The following SLC1A1 variants were observed in gnomAD, a reference collection of about 807,000 sequenced individuals.
SLC1A1 encodes excitatory amino acid transporter 3.
In SLC1A1, 43 loss-of-function variants were observed where a neutral mutation model predicts 53.3. That is an observed-to-expected ratio of 0.81 (90% CI 0.63 to 1.04). The LOEUF is 1.04. Ranked by LOEUF, SLC1A1 falls within the 50% of genes least tolerant of loss-of-function variation. SLC1A1 has a pLI of 0.00. For synonymous variants in SLC1A1, 307 were observed against 243.2 expected, an observed-to-expected ratio of 1.26 and a Z score of -2.44; for missense variants, 748 against 664.9, an observed-to-expected ratio of 1.12 and a Z score of -1.37.
chr9:4,576,293 T>C lies in SLC1A1; in HGVS notation c.998+170T>C, dbSNP rs370328184. On this transcript the variant is annotated intron_variant, in intron 9 of 11. Transcript: ENST00000262352. ...CACATTGCTTCATGCTGTTGCATAT[T>C]TCCTGCTCTCTTGGCATGACCTGCA... 2.6e-5 allele frequency among the ~76,000 whole-genome samples: 4 copies of C among 152,252 alleles called. No individual in the cohort carries two copies. In the East Asian group the frequency reaches 7.7e-4, roughly 29 times the overall value.
chr9:4,554,060 T>C (rs945804339), intron 2 of SLC1A1: 1 of 152,232 alleles, frequency 6.6e-6, no homozygotes, highest in African/African-American at 2.4e-5. Flanking sequence ...TTAATCCTCA[T>C]AGCAGCCCTA....
At chr9:4,538,056 G>A (rs887303543) in intron 1 of SLC1A1, among the ~76,000 whole-genome samples, 1 of 152,122 alleles carries the variant, frequency 6.6e-6, no homozygotes, top group African/African-American at 2.4e-5. Context: ...CATTTGAAAT[G>A]TTTAGTTCAA....
rs759669062 is a variant in SLC1A1, at chr9:4,496,759, C to T, written c.91+5989C>T. Among the ~76,000 whole-genome samples, 10 of 151,948 alleles carry T rather than the reference C, an allele frequency of 6.6e-5. No homozygotes were observed. The East Asian group carries it at 7.8e-4, about 12-fold the overall frequency. ...AAATAAAAATTAAATTAGCCAGGCA[C>T]GATGGTGCGTGCCTGTGGCCCCAAC... On this transcript the variant is annotated intron_variant, in intron 1 of 11. Coordinates refer to ENST00000262352, the MANE Select transcript of SLC1A1 (RefSeq NM_004170.6).
At chr9:4,532,510 A>G (rs1319796127) in intron 1 of SLC1A1, among the ~76,000 whole-genome samples, 1 of 152,192 alleles carries the variant, frequency 6.6e-6, no homozygotes. Flanking sequence ...AGAAGTTTAG[A>G]GAAAAAAGAA....
intron 8 of SLC1A1, among the ~76,000 whole-genome samples, chr9:4,574,604 G>A (rs143824865): frequency 6.6e-6 from 1 of 152,080 alleles, no homozygotes; most frequent in Non-Finnish European, 1.5e-5. Flanking sequence ...GCAGGGGTTG[G>A]GTAGTTTCCA....
intron 1 of SLC1A1, among the ~76,000 whole-genome samples, chr9:4,520,926 A>G (rs762575975): frequency 1.3e-4 from 20 of 152,208 alleles, no homozygotes; most frequent in Non-Finnish European, 2.6e-4. Context: ...ACCAACATAT[A>G]TCATTTTCTC....
At chr9:4,510,495 G>T (rs906113955) in intron 1 of SLC1A1, among the ~76,000 whole-genome samples, 1 of 152,142 alleles carries the variant, frequency 6.6e-6, no homozygotes, top group African/African-American at 2.4e-5. Flanking sequence ...AAAATTTATG[G>T]CTCAGATACC....
rs139359968 is a variant in SLC1A1, at chr9:4,531,416, G to A, written c.92-13151G>A. Among the ~76,000 whole-genome samples the A allele has an allele frequency of 2.2e-3, 331 of 152,282 alleles. 2 individuals are homozygous for A. The highest frequency in any genetic ancestry group is 7.6e-3 in the African/African-American group (316 of 41,578). On this transcript the variant is annotated intron_variant, in intron 1 of 11. Transcript: ENST00000262352. ...GGTACACTGGGAGATTATATCCTGCGCCTGGCTCAGAGGGTCCTACGCCCG... is the reference window on the plus strand; with the variant it reads ...GGTACACTGGGAGATTATATCCTGCACCTGGCTCAGAGGGTCCTACGCCCG...
chr9:4,495,910 G>A (rs78434616), intron 1 of SLC1A1, among the ~76,000 whole-genome samples: 58 of 152,264 alleles, frequency 3.8e-4, no homozygotes, highest in Non-Finnish European at 7.1e-4. Flanking sequence ...AAAAGAACAT[G>A]GCATGTTCCA....
intron 1 of SLC1A1, among the ~76,000 whole-genome samples, chr9:4,531,780 G>A (rs545503104): frequency 2.6e-5 from 4 of 152,268 alleles, no homozygotes; most frequent in Non-Finnish European, 2.9e-5. Flanking sequence ...CCTGACCCCC[G>A]AGTAGCCTAA....
At chr9:4,514,831 G>C (rs955332610) in intron 1 of SLC1A1, among the ~76,000 whole-genome samples, 2 of 152,282 alleles carry the variant, frequency 1.3e-5, no homozygotes, top group African/African-American at 2.4e-5. Context: ...TTAGGAAGTT[G>C]ATGAAGTAGC....
chr9:4,569,964 G>A (rs140280159), intron 6 of SLC1A1, among the ~76,000 whole-genome samples: 3 of 152,214 alleles, frequency 2.0e-5, no homozygotes, highest in Admixed American at 6.5e-5. Context: ...ATGTTTGGGA[G>A]GCATTCAGCA....
intron 1 of SLC1A1, among the ~76,000 whole-genome samples, chr9:4,499,388 C>A (rs971402098): frequency 3.3e-5 from 5 of 152,100 alleles, no homozygotes; most frequent in Non-Finnish European, 7.4e-5. Context: ...TAGTTAAGTA[C>A]CTTAGAGAAG....
At chr9:4,562,421 G>C (rs1382156869) in intron 3 of SLC1A1, among the ~76,000 whole-genome samples, 3 of 152,108 alleles carry the variant, frequency 2.0e-5, no homozygotes, top group African/African-American at 7.2e-5. Context: ...TAGTGGAGTT[G>C]AGTATAATTA....
In SLC1A1 at chr9:4,574,663, A is replaced by G. The variant is rs558904654; in HGVS notation, c.875+649A>G. Reference sequence around the variant, plus strand: ...TTTCCTTGAGAAAAGATGAGGTGGGATAAGTTATGAATGGTGCCCCTGGAC... The same window carrying G: ...TTTCCTTGAGAAAAGATGAGGTGGGGTAAGTTATGAATGGTGCCCCTGGAC... On this transcript the variant is annotated intron_variant, in intron 8 of 11. Coordinates refer to ENST00000262352, the MANE Select transcript of SLC1A1 (RefSeq NM_004170.6). Among the ~76,000 whole-genome samples, 15 of 152,206 alleles carry G rather than the reference A, an allele frequency of 9.9e-5. No homozygotes were observed. The South Asian group carries it at 3.1e-3, about 32-fold the overall frequency.
At chr9:4,552,405 GA>G (rs1437349219) in intron 2 of SLC1A1, among the ~76,000 whole-genome samples, 2 of 152,152 alleles carry the variant, frequency 1.3e-5, no homozygotes, top group Non-Finnish European at 2.9e-5. Context: ...CCAGGCAAGA[GA>G]AAATAGCATC....
intron 1 of SLC1A1, among the ~76,000 whole-genome samples, chr9:4,539,543 T>A (rs1816830161): frequency 1.3e-5 from 2 of 152,146 alleles, no homozygotes; most frequent in Admixed American, 6.6e-5. Flanking sequence ...TTTCCTCCCA[T>A]GTTTCTTTCT....
intron 1 of SLC1A1, among the ~76,000 whole-genome samples, chr9:4,540,517 C>A (rs1185301468): frequency 1.3e-5 from 2 of 152,218 alleles, no homozygotes; most frequent in Non-Finnish European, 2.9e-5. Context: ...CTGACTAAAA[C>A]ACATGCCCTC....
intron 2 of SLC1A1, among the ~76,000 whole-genome samples, chr9:4,546,823 C>G (rs1336185059): frequency 6.6e-6 from 1 of 152,140 alleles, no homozygotes; most frequent in Non-Finnish European, 1.5e-5. Context: ...TTCTTGGGCT[C>G]CTTTGAGAAT....
Sources: allele counts gnomAD v4.1 joint callset (sites outside exome capture counted in the v4.1 genomes callset), GRCh38; gene constraint gnomAD v4.1.1; transcripts MANE v1.5; gene names NCBI Gene and HGNC (gene_info 2026-07-23, HGNC 2026-07-21).